Variants in PDE8B observed in about 807,000 individuals in gnomAD.
PDE8B encodes the protein phosphodiesterase 8B.
A neutral mutation model predicts 101.3 loss-of-function variants in PDE8B; 26 were observed. The ratio of observed to expected loss-of-function variants is 0.26; its 90% CI spans 0.19 to 0.36. PDE8B has a LOEUF of 0.36. Among genes scored for constraint, PDE8B ranks in the 10% least tolerant of loss-of-function variants. The pLI is 1.00. For synonymous variants in PDE8B, 424 were observed against 429.3 expected (o/e 0.99, Z 0.15); for missense variants, 810 against 1,163.1 (o/e 0.70, Z 4.42).
chr5:77,108,293 A>G, the PDE8B span, among the ~76,000 whole-genome samples: 1 of 152,222 alleles, frequency 6.6e-6, no homozygotes, highest in Non-Finnish European at 1.5e-5. Context: ...ATTGACATTC[A>G]TTTTAAATTC....
the PDE8B span, among the ~76,000 whole-genome samples, chr5:77,198,425 A>C: frequency 6.6e-6 from 1 of 152,124 alleles, no homozygotes; most frequent in Admixed American, 6.6e-5. Context: ...TGTTTCTTTC[A>C]TAAGTATTTC....
chr5:77,311,928 A>G (rs141695973), intron 1 of PDE8B, 66 bp from the exon 2 acceptor site: 4 of 1,259,026 alleles, frequency 3.2e-6, no homozygotes, highest in East Asian at 2.3e-5. Context: ...TGCGTTGCGT[A>G]AGGAAGGATG....
the PDE8B span, among the ~76,000 whole-genome samples, chr5:77,172,511 A>G: frequency 6.6e-6 from 1 of 152,336 alleles, no homozygotes; most frequent in South Asian, 2.1e-4. Context: ...TCTGATGGTG[A>G]TGGAGAGATA....
At chr5:77,291,954 A>G (rs1767451368) in intron 1 of PDE8B, among the ~76,000 whole-genome samples, 1 of 152,104 alleles carries the variant, frequency 6.6e-6, no homozygotes, top group African/African-American at 2.4e-5. Flanking sequence ...TGATTAAATC[A>G]AAAGACTCCT....
the PDE8B span, among the ~76,000 whole-genome samples, chr5:77,123,285 C>T: frequency 6.6e-6 from 1 of 152,080 alleles, no homozygotes; most frequent in Non-Finnish European, 1.5e-5. Flanking sequence ...ACTCATGTCC[C>T]ACACTCGTGA....
At chr5:77,314,798 T>C (rs1437801479) in intron 2 of PDE8B, among the ~76,000 whole-genome samples, 1 of 152,146 alleles carries the variant, frequency 6.6e-6, no homozygotes, top group Admixed American at 6.5e-5. Context: ...TTTTACACTC[T>C]TACCAGCAAT....
At chr5:77,303,179 A>G (rs1416896676) in intron 1 of PDE8B, among the ~76,000 whole-genome samples, 3 of 152,234 alleles carry the variant, frequency 2.0e-5, no homozygotes, top group Admixed American at 6.5e-5. Context: ...GGAAATATCT[A>G]CATATACAAG....
intron 7 of PDE8B, among the ~76,000 whole-genome samples, chr5:77,346,566 A>G (rs1238618495): frequency 1.3e-5 from 2 of 152,214 alleles, no homozygotes; most frequent in Non-Finnish European, 2.9e-5. Flanking sequence ...TGGGAGAGGT[A>G]ATATTGTGAT....
At chr5:77,399,192 T>C (rs1561652226) in intron 10 of PDE8B, among the ~76,000 whole-genome samples, 1 of 152,222 alleles carries the variant, frequency 6.6e-6, no homozygotes, top group Admixed American at 6.5e-5. Flanking sequence ...AAGGTTGTTT[T>C]GATGTAAGGG....
intron 10 of PDE8B, among the ~76,000 whole-genome samples, chr5:77,394,516 TC>T (rs1013167614): frequency 1.8e-4 from 27 of 152,262 alleles, no homozygotes; most frequent in African/African-American, 6.3e-4. Flanking sequence ...GAAGAATTTA[TC>T]CCTACAAGCA....
At chr5:77,209,930 G>C (rs1369446102), upstream of PDE8B, among the ~76,000 whole-genome samples, 1 of 152,200 alleles carries the variant, frequency 6.6e-6, no homozygotes, top group Non-Finnish European at 1.5e-5. Context: ...CAAACGATGA[G>C]TAGACATGGA....
At chr5:77,390,509 G>A (rs1446934949) in intron 10 of PDE8B, among the ~76,000 whole-genome samples, 1 of 152,182 alleles carries the variant, frequency 6.6e-6, no homozygotes, top group African/African-American at 2.4e-5. Flanking sequence ...TGCTGCAAAT[G>A]AGAATATTCT....
chr5:77,395,781 T>C (rs1790921480), intron 10 of PDE8B, among the ~76,000 whole-genome samples: 1 of 134,744 alleles, frequency 7.4e-6, no homozygotes, highest in South Asian at 2.8e-4. Context: ...GCATTTACCA[T>C]GACCTGGGTA....
intron 10 of PDE8B, among the ~76,000 whole-genome samples, chr5:77,396,914 T>G (rs892724546): frequency 1.3e-5 from 2 of 152,058 alleles, no homozygotes; most frequent in Non-Finnish European, 2.9e-5. Flanking sequence ...CATAACAGAT[T>G]TTAAGATTTC....
chr5:77,315,650 ATG>A (rs2150149767), intron 2 of PDE8B, among the ~76,000 whole-genome samples: 1 of 152,304 alleles, frequency 6.6e-6, no homozygotes, highest in South Asian at 2.1e-4. Flanking sequence ...TTTTGTGACT[ATG>A]TGATCTATCA....
At chr5:77,103,000 C>A in the PDE8B span, among the ~76,000 whole-genome samples, 1 of 152,322 alleles carries the variant, frequency 6.6e-6, no homozygotes, top group South Asian at 2.1e-4. Flanking sequence ...GAAGCATCCA[C>A]CCCTCACTGA....
At chr5:77,107,186 A>G in the PDE8B span, among the ~76,000 whole-genome samples, 2 of 152,208 alleles carry the variant, frequency 1.3e-5, no homozygotes, top group African/African-American at 4.8e-5. Flanking sequence ...TTTGCTGAGA[A>G]TGATGGTTTC....
chr5:77,324,947 G>A (rs1246669543), intron 2 of PDE8B, among the ~76,000 whole-genome samples: 1 of 152,086 alleles, frequency 6.6e-6, no homozygotes, highest in East Asian at 1.9e-4. Flanking sequence ...AGAGTGAATG[G>A]GCACCTTCTC....
chr5:77,275,437 A>G lies in PDE8B; in HGVS notation c.340-36557A>G. Among the ~76,000 whole-genome samples, 2 of 152,170 alleles carry G rather than the reference A, an allele frequency of 1.3e-5. 1 individual carries two copies. Among genetic ancestry groups the G allele is most frequent in the Non-Finnish European group, 2.9e-5 (2 of 68,024 alleles). Reference sequence around the variant, plus strand: ...TGCCATTATCCCTTTGGTCTCATTAATTAATTTATTTTTGTCTTTTAAGAG... The same window carrying G: ...TGCCATTATCCCTTTGGTCTCATTAGTTAATTTATTTTTGTCTTTTAAGAG... On this transcript the variant is annotated intron_variant, in intron 1 of 21. Transcript: ENST00000264917.
Sources: gnomAD v4.1 joint callset for allele counts (sites outside exome capture counted in the v4.1 genomes callset) on GRCh38, gnomAD v4.1.1 for gene constraint, MANE v1.5 for transcripts, NCBI Gene and HGNC (gene_info 2026-07-23, HGNC 2026-07-21) for gene names.